ZBBX: variants seen among roughly 807,000 people sequenced by gnomAD.
ZBBX encodes the protein zinc finger B-box domain-containing protein 1.
Under a neutral mutation model 108.5 loss-of-function variants are expected in ZBBX, and 101 were observed. The observed-to-expected ratio is 0.93, with a 90% CI of 0.79 to 1.10. The LOEUF is 1.10. ZBBX is among the 50% of genes least tolerant of loss of function. The probability of loss-of-function intolerance (pLI) is 0.00; values close to 1 mark genes in which losing one functional copy is unlikely to be tolerated. For synonymous variants in ZBBX, 356 were observed against 323.4 expected (o/e 1.10, Z -1.08); for missense variants, 1,009 against 941.4 (o/e 1.07, Z -0.94).
chr3:167,286,604 T>G (rs1471101493), intron 19 of ZBBX, among the ~76,000 whole-genome samples: 1 of 152,022 alleles, frequency 6.6e-6, no homozygotes, highest in African/African-American at 2.4e-5. Context: ...TCTTGAATAG[T>G]GAAGGTAAAA....
chr3:167,360,071 C>T (rs1037316991), intron 7 of ZBBX, 92 bp from the exon 8 acceptor site: 1 of 513,834 alleles, frequency 1.9e-6, no homozygotes, highest in Non-Finnish European at 3.1e-6. Flanking sequence ...TACTTCCCAT[C>T]TCTGTATCAA....
At chr3:167,190,287 TTCA>T in the ZBBX span, among the ~76,000 whole-genome samples, 3 of 152,134 alleles carry the variant, frequency 2.0e-5, no homozygotes, top group Non-Finnish European at 4.4e-5. Context: ...AAACCATAAT[TTCA>T]TCATCAATAA....
At chr3:167,214,199 A>G in the ZBBX span, among the ~76,000 whole-genome samples, 2 of 152,286 alleles carry the variant, frequency 1.3e-5, no homozygotes, top group Non-Finnish European at 2.9e-5. Flanking sequence ...TAAATGCCCC[A>G]CTTAAAAGAC....
chr3:167,188,231 T>C, the ZBBX span, among the ~76,000 whole-genome samples: 3 of 152,200 alleles, frequency 2.0e-5, no homozygotes, highest in Non-Finnish European at 2.9e-5. Flanking sequence ...CATTCATTCA[T>C]ACTTTCAATT....
At chr3:167,393,657 G>T (rs1748144943) in intron 1 of ZBBX, among the ~76,000 whole-genome samples, 1 of 151,860 alleles carries the variant, frequency 6.6e-6, no homozygotes, top group African/African-American at 2.4e-5. Context: ...AGTTAATGTA[G>T]TTGTTTGCGT....
intron 1 of ZBBX, among the ~76,000 whole-genome samples, chr3:167,386,556 C>G (rs1233123153): frequency 6.6e-6 from 1 of 151,892 alleles, no homozygotes; most frequent in Non-Finnish European, 1.5e-5. Context: ...TTGAAGTCAT[C>G]TCCTCAAAAA....
At chr3:167,267,649 G>T (rs571281484) in intron 20 of ZBBX, among the ~76,000 whole-genome samples, 2 of 152,296 alleles carry the variant, frequency 1.3e-5, no homozygotes, top group Non-Finnish European at 2.9e-5. Context: ...AAATGAGGAT[G>T]TAATGTATCA....
chr3:167,368,407 G>T, intron 5 of ZBBX, 54 bp downstream of exon 5: 1 of 1,244,498 alleles, frequency 8.0e-7, no homozygotes, highest in Non-Finnish European at 1.2e-6. Context: ...ATATAAAATA[G>T]TTCTTTATAT....
chr3:167,342,516 A>G (rs181474671), intron 9 of ZBBX, among the ~76,000 whole-genome samples: 2 of 151,068 alleles, frequency 1.3e-5, no homozygotes, highest in South Asian at 2.1e-4. Flanking sequence ...AATGCTTTTA[A>G]AAAAACACCC....
At chr3:167,191,937 A>G in the ZBBX span, among the ~76,000 whole-genome samples, 1 of 109,042 alleles carries the variant, frequency 9.2e-6, no homozygotes, top group Non-Finnish European at 2.1e-5. Context: ...ATATATATAG[A>G]GCAAGTTATT....
intron 20 of ZBBX, among the ~76,000 whole-genome samples, chr3:167,254,792 C>T (rs1027689309): frequency 6.6e-6 from 1 of 151,692 alleles, no homozygotes; most frequent in Non-Finnish European, 1.5e-5. Context: ...GACACTAAAA[C>T]AAAATCCTGG....
At chr3:167,216,002 C>A in the ZBBX span, among the ~76,000 whole-genome samples, 27 of 152,096 alleles carry the variant, frequency 1.8e-4, no homozygotes, top group Non-Finnish European at 3.7e-4. Context: ...TCATCTATGA[C>A]AAACCCACAG....
intron 8 of ZBBX, among the ~76,000 whole-genome samples, chr3:167,352,942 C>T (rs1217391796): frequency 6.6e-6 from 1 of 152,020 alleles, no homozygotes; most frequent in Non-Finnish European, 1.5e-5. Flanking sequence ...GATAAAAACC[C>T]TCAACGACCT....
intron 20 of ZBBX, among the ~76,000 whole-genome samples, chr3:167,243,678 G>T (rs1170066927): frequency 6.7e-6 from 1 of 150,176 alleles, no homozygotes; most frequent in Admixed American, 6.6e-5. Flanking sequence ...TTTTATGAGA[G>T]GACCAAATAA....
At chr3:167,180,875 G>C in the ZBBX span, among the ~76,000 whole-genome samples, 2 of 152,328 alleles carry the variant, frequency 1.3e-5, no homozygotes, top group East Asian at 3.9e-4. Context: ...CCCATGGGTT[G>C]TATAACTGAA....
chr3:167,317,521 A>C lies in ZBBX; in HGVS notation c.1060T>G (p.Cys354Gly), dbSNP rs1393328207. The C allele has an allele frequency of 6.2e-7, 1 of 1,610,484 alleles. No individual in the cohort carries two copies. The highest frequency in any genetic ancestry group is 8.5e-7 in the Non-Finnish European group (1 of 1,178,306). Residue 354 changes from cysteine to glycine, a missense_variant, in exon 13 of 22, where the codon TGT becomes GGT. Cys to Gly is a radical substitution (Grantham distance 159). Coordinates refer to ENST00000675490, the MANE Select transcript of ZBBX (RefSeq NM_001199201.2). Reference sequence around the variant, plus strand: ...TCTTCATCGTTTTCATTTTGAGAACACTGTGCATCACCAGTGGTTTCATGT... The same window carrying C: ...TCTTCATCGTTTTCATTTTGAGAACCCTGTGCATCACCAGTGGTTTCATGT... ...HPHETTGDAQ[C>G]SQNENDEDSD... is the part of the protein sequence containing the mutation.
At chr3:167,385,551 T>C (rs1046564873) in intron 1 of ZBBX, among the ~76,000 whole-genome samples, 4 of 152,080 alleles carry the variant, frequency 2.6e-5, no homozygotes, top group African/African-American at 7.2e-5. Flanking sequence ...TATAAACTTA[T>C]AATTTTTTTA....
intron 16 of ZBBX, 137 bp downstream of exon 16, chr3:167,313,837 A>G: frequency 1.3e-6 from 1 of 762,266 alleles, no homozygotes; most frequent in Non-Finnish European, 1.9e-6. Flanking sequence ...AGAAAATTAT[A>G]TTTTCAACTA....
chr3:167,333,544 T>G (rs1349517915), intron 10 of ZBBX, among the ~76,000 whole-genome samples: 1 of 152,166 alleles, frequency 6.6e-6, no homozygotes, highest in East Asian at 1.9e-4. Context: ...AAAAATGTTT[T>G]CCCCAAATAC....
Sources: allele counts gnomAD v4.1 joint callset (sites outside exome capture counted in the v4.1 genomes callset), GRCh38; gene constraint gnomAD v4.1.1; transcripts MANE v1.5; gene names NCBI Gene and HGNC (gene_info 2026-07-23, HGNC 2026-07-21).